CERS6: variants seen among roughly 807,000 people sequenced by gnomAD.
CERS6 encodes the protein ceramide synthase 6.
A neutral mutation model predicts 56.8 loss-of-function variants in CERS6; 26 were observed. The ratio of observed to expected loss-of-function variants is 0.46; its 90% CI spans 0.34 to 0.63. The LOEUF (loss-of-function observed/expected upper bound fraction) is 0.63. Among genes scored for constraint, CERS6 ranks in the 30% least tolerant of loss-of-function variants. The pLI is 0.01. For missense variants in CERS6, 415 were observed against 467.5 expected (o/e 0.89, Z 1.04); for synonymous variants, 164 against 173.3 (o/e 0.95, Z 0.42).
intron 1 of CERS6, among the ~76,000 whole-genome samples, chr2:168,482,333 C>T (rs536187980): frequency 3.3e-5 from 5 of 152,324 alleles, no homozygotes; most frequent in East Asian, 3.9e-4. Flanking sequence ...AACAAAGCCA[C>T]TAAAAGACAA....
At chr2:168,607,973 G>A (rs1684094119) in intron 3 of CERS6, among the ~76,000 whole-genome samples, 2 of 152,162 alleles carry the variant, frequency 1.3e-5, no homozygotes, top group African/African-American at 4.8e-5. Context: ...ATGCATCAGA[G>A]AGAGAACCTC....
At chr2:168,674,467 T>G (rs1686003112) in intron 4 of CERS6, among the ~76,000 whole-genome samples, 1 of 152,210 alleles carries the variant, frequency 6.6e-6, no homozygotes, top group Admixed American at 6.5e-5. Context: ...GTTTTGGCTT[T>G]TGGCTAGGAA....
At chr2:168,693,393 GCTCT>G (rs1686554975) in intron 5 of CERS6, among the ~76,000 whole-genome samples, 1 of 152,100 alleles carries the variant, frequency 6.6e-6, no homozygotes, top group Admixed American at 6.6e-5. Context: ...GTTTCCAGAT[GCTCT>G]CTGAGTTGCC....
At chr2:168,481,111 A>C (rs1694169102) in intron 1 of CERS6, among the ~76,000 whole-genome samples, 1 of 152,100 alleles carries the variant, frequency 6.6e-6, no homozygotes. Context: ...TTGTGGTTTG[A>C]AAGAGGGACA....
At chr2:168,494,124 A>G (rs921213725) in intron 1 of CERS6, among the ~76,000 whole-genome samples, 1 of 152,184 alleles carries the variant, frequency 6.6e-6, no homozygotes, top group African/African-American at 2.4e-5. Flanking sequence ...GTGTTTGTGC[A>G]GCTGCCCCAT....
intron 4 of CERS6, among the ~76,000 whole-genome samples, chr2:168,635,459 T>C (rs1472810827): frequency 6.6e-6 from 1 of 152,122 alleles, no homozygotes; most frequent in Non-Finnish European, 1.5e-5. Flanking sequence ...GCAAGTCCCA[T>C]CTTCCTCTTG....
At chr2:168,609,777 T>A (rs1049398547) in intron 3 of CERS6, among the ~76,000 whole-genome samples, 1 of 152,114 alleles carries the variant, frequency 6.6e-6, no homozygotes, top group Non-Finnish European at 1.5e-5. Flanking sequence ...ACTCAACCAC[T>A]CTTTCCTTGC....
intron 4 of CERS6, among the ~76,000 whole-genome samples, chr2:168,651,165 G>A (rs991380781): frequency 2.0e-5 from 3 of 152,090 alleles, no homozygotes; most frequent in African/African-American, 7.2e-5. Context: ...ATTACAAAGG[G>A]GTGTGCAGTG....
At chr2:168,704,609 T>C (rs891005157) in intron 6 of CERS6, among the ~76,000 whole-genome samples, 3 of 152,084 alleles carry the variant, frequency 2.0e-5, no homozygotes, top group African/African-American at 7.2e-5. Flanking sequence ...TTTGTTCTTT[T>C]TGTTTGTTTG....
At chr2:168,741,499 A>G (rs1683905944) in intron 8 of CERS6, among the ~76,000 whole-genome samples, 1 of 152,184 alleles carries the variant, frequency 6.6e-6, no homozygotes, top group African/African-American at 2.4e-5. Flanking sequence ...AAAAAATACA[A>G]TAACACTAAC....
chr2:168,744,859 T>A (rs1170462329), intron 8 of CERS6, among the ~76,000 whole-genome samples: 1 of 152,200 alleles, frequency 6.6e-6, no homozygotes, highest in Non-Finnish European at 1.5e-5. Flanking sequence ...GGGAAAAGCT[T>A]ACAGAAGTGG....
intron 3 of CERS6, among the ~76,000 whole-genome samples, chr2:168,563,856 T>C (rs1205039618): frequency 6.6e-6 from 1 of 152,130 alleles, no homozygotes; most frequent in Non-Finnish European, 1.5e-5. Flanking sequence ...TCAGTAAAGA[T>C]TAAAGGGAAA....
At chr2:168,519,707 A>T (rs1260478450) in intron 1 of CERS6, among the ~76,000 whole-genome samples, 1 of 152,222 alleles carries the variant, frequency 6.6e-6, no homozygotes, top group Non-Finnish European at 1.5e-5. Flanking sequence ...GCTGCAAAGG[A>T]CATGATTTCA....
rs537420386 is a variant in CERS6 at position 168,509,981 on chromosome 2, C to T, written c.171-37615C>T. Among the ~76,000 whole-genome samples, 17 of 151,886 alleles carry T rather than the reference C, an allele frequency of 1.1e-4. No individual in the cohort carries two copies. In the South Asian group the frequency reaches 3.5e-3, roughly 32 times the overall value. ...TCCAAACTGTTTATCTCTTTATTTC[C>T]TTATGTATAAAAAGCAGGTAACAAT... On this transcript the variant is annotated intron_variant, in intron 1 of 9. Transcript: ENST00000305747.
At chr2:168,523,115 T>G (rs1234089429) in intron 1 of CERS6, among the ~76,000 whole-genome samples, 1 of 152,190 alleles carries the variant, frequency 6.6e-6, no homozygotes, top group Admixed American at 6.5e-5. Flanking sequence ...TTGTTCTGGT[T>G]TTGCTGCACT....
rs573939341 is a variant in CERS6, at chr2:168,754,184, G to T, written c.846-11408G>T. On this transcript the variant is annotated intron_variant, in intron 8 of 9. Coordinates refer to ENST00000305747, the MANE Select transcript of CERS6 (RefSeq NM_203463.3). ...GTCTCAGAGATAAGACATGAGAGAT[G>T]AGAACAAGGAAGTTGGAAGGAAGGA... Among the ~76,000 whole-genome samples the T allele has an allele frequency of 2.0e-5, 3 of 152,290 alleles. No individual in the cohort carries two copies. In the South Asian group the frequency reaches 6.2e-4, roughly 32 times the overall value.
Position 168,483,277 on chromosome 2 carries a change from A to C in CERS6, c.170+26659A>C, listed in dbSNP as rs556037719. Among the ~76,000 whole-genome samples the C allele has an allele frequency of 3.6e-4, 53 of 146,362 alleles. No homozygotes were observed. In the South Asian group the frequency reaches 0.011, roughly 31 times the overall value. ...GGTATAATAACTCGTCCACGATTACATAGCTATTTTTTTTTTTTCTGAAGA... is the reference window on the plus strand; with the variant it reads ...GGTATAATAACTCGTCCACGATTACCTAGCTATTTTTTTTTTTTCTGAAGA... On this transcript the variant is annotated intron_variant, in intron 1 of 9. Coordinates refer to ENST00000305747, the MANE Select transcript of CERS6 (RefSeq NM_203463.3).
chr2:168,743,538 G>A (rs554551420), intron 8 of CERS6, among the ~76,000 whole-genome samples: 2 of 87,364 alleles, frequency 2.3e-5, no homozygotes, highest in East Asian at 5.1e-4. Context: ...GGGAAGCTGA[G>A]GCGAGACTGT....
At chr2:168,601,616 C>T (rs1683933915) in intron 3 of CERS6, among the ~76,000 whole-genome samples, 1 of 151,116 alleles carries the variant, frequency 6.6e-6, no homozygotes, top group Admixed American at 6.6e-5. Flanking sequence ...GTGGTATGAT[C>T]TTGGCTCACT....
Sources: gnomAD v4.1 joint callset for allele counts (sites outside exome capture counted in the v4.1 genomes callset) on GRCh38, gnomAD v4.1.1 for gene constraint, MANE v1.5 for transcripts, NCBI Gene and HGNC (gene_info 2026-07-23, HGNC 2026-07-21) for gene names.